B4GALT6: variants seen among roughly 807,000 people sequenced by gnomAD.
The protein encoded by B4GALT6 is beta-1,4-galactosyltransferase 6.
B4GALT6 carries 14 observed loss-of-function variants against 46.3 expected under a neutral mutation model. The ratio of observed to expected loss-of-function variants is 0.30; its 90% CI spans 0.20 to 0.47. The LOEUF (loss-of-function observed/expected upper bound fraction) is 0.47. Among genes scored for constraint, B4GALT6 ranks in the 20% least tolerant of loss-of-function variants. B4GALT6 has a pLI of 0.99. For missense variants in B4GALT6, 386 were observed against 480.1 expected (o/e 0.80, Z 1.83); for synonymous variants, 168 against 162.0 (o/e 1.04, Z -0.28).
chr18:31,723,670 GTGGTGAATTAATTAC>G, the B4GALT6 span, among the ~76,000 whole-genome samples: 7 of 152,164 alleles, frequency 4.6e-5, no homozygotes, highest in African/African-American at 1.7e-4. Flanking sequence ...GCCTAATAGG[GTGGTGAATTAATTAC>G]CAAACATGCA....
chr18:31,665,789 T>C (rs944549629), intron 2 of B4GALT6, among the ~76,000 whole-genome samples: 1 of 152,112 alleles, frequency 6.6e-6, no homozygotes, highest in Non-Finnish European at 1.5e-5. Flanking sequence ...AATTTCCAAT[T>C]TTATAAAATT....
chr18:31,723,033 G>T, the B4GALT6 span, among the ~76,000 whole-genome samples: 1 of 152,196 alleles, frequency 6.6e-6, no homozygotes, highest in Admixed American at 6.5e-5. Context: ...TGTTTTCACT[G>T]CAGGCTGCAG....
At chr18:31,639,583 A>G (rs1394777840) in intron 4 of B4GALT6, among the ~76,000 whole-genome samples, 1 of 152,206 alleles carries the variant, frequency 6.6e-6, no homozygotes, top group East Asian at 1.9e-4. Flanking sequence ...TTTCAGTGGT[A>G]GGATAATATT....
At chr18:31,644,996 G>A (rs1246648963) in intron 4 of B4GALT6, among the ~76,000 whole-genome samples, 1 of 152,190 alleles carries the variant, frequency 6.6e-6, no homozygotes, top group African/African-American at 2.4e-5. Context: ...GCTTGCAGGT[G>A]TCAGTAATCA....
At chr18:31,723,662 C>T in the B4GALT6 span, among the ~76,000 whole-genome samples, 1 of 152,122 alleles carries the variant, frequency 6.6e-6, no homozygotes, top group Non-Finnish European at 1.5e-5. Flanking sequence ...CAGCCCCTGC[C>T]TAATAGGGTG....
intron 6 of B4GALT6, among the ~76,000 whole-genome samples, chr18:31,630,178 G>T (rs146266724): frequency 7.2e-5 from 11 of 152,140 alleles, no homozygotes; most frequent in South Asian, 4.2e-4. Context: ...TTTCCTGCTT[G>T]TGTCAGACTT....
At chr18:31,634,985 G>A (rs553748994) in intron 5 of B4GALT6, among the ~76,000 whole-genome samples, 2 of 152,300 alleles carry the variant, frequency 1.3e-5, no homozygotes, top group South Asian at 4.1e-4. Flanking sequence ...ACTCATGCCT[G>A]TAGTCCCAGC....
At chr18:31,685,031 CG>C (rs1419217770), upstream of B4GALT6, among the ~76,000 whole-genome samples, 1 of 145,992 alleles carries the variant, frequency 6.8e-6, no homozygotes, top group Non-Finnish European at 1.5e-5. Flanking sequence ...CGGGGGCCCG[CG>C]GGGGCCCTCG....
upstream of B4GALT6, among the ~76,000 whole-genome samples, chr18:31,688,920 A>G (rs1336585611): frequency 6.6e-6 from 1 of 152,168 alleles, no homozygotes; most frequent in Non-Finnish European, 1.5e-5. Context: ...TGTTTTCTTC[A>G]TGTATTTTTT....
intron 2 of B4GALT6, chr18:31,658,561 T>A (rs1224561749): frequency 6.5e-6 from 1 of 152,988 alleles, no homozygotes; most frequent in Non-Finnish European, 1.5e-5. Flanking sequence ...AACTTACTTT[T>A]GTAATACAGC....
In B4GALT6 at chr18:31,631,057, G is replaced by A. The variant is rs771234493; in HGVS notation, c.678C>T (p.Phe226=). 1.2e-6 allele frequency: 2 copies of A among 1,614,046 alleles called. No homozygotes were observed. The highest frequency in any genetic ancestry group is 1.7e-5 in the Admixed American group (1 of 60,004). The change falls in exon 6 of 9, where the codon TTC becomes TTT. Residue 226 remains phenylalanine, a synonymous_variant. Transcript: ENST00000306851. ...TTTCAGGTAGATGATCCACATCGTG[G>A]AAGATTACACAGTCCCAGACACTGT... ...MKDSVWDCVI[F]HDVDHLPEND...
chr18:31,629,036 T>C (rs1469248313), intron 6 of B4GALT6, among the ~76,000 whole-genome samples: 1 of 152,208 alleles, frequency 6.6e-6, no homozygotes, highest in Non-Finnish European at 1.5e-5. Flanking sequence ...ATGAAGACCT[T>C]CAGGATGATC....
chr18:31,648,491 T>C (rs935912602), intron 3 of B4GALT6, among the ~76,000 whole-genome samples: 3 of 152,210 alleles, frequency 2.0e-5, no homozygotes, highest in Non-Finnish European at 4.4e-5. Context: ...TCAAGTCAGC[T>C]GGAAGCTACC....
chr18:31,705,769 G>A, the B4GALT6 span, among the ~76,000 whole-genome samples: 1 of 152,310 alleles, frequency 6.6e-6, no homozygotes, highest in Admixed American at 6.5e-5. Context: ...ATGGTAACTT[G>A]TATTAACAGA....
chr18:31,687,410 C>G (rs757817944), upstream of B4GALT6, among the ~76,000 whole-genome samples: 2 of 152,174 alleles, frequency 1.3e-5, no homozygotes, highest in Admixed American at 6.5e-5. Flanking sequence ...AAGTCTGTCT[C>G]TCATAGTCTG....
At chr18:31,719,791 C>T in the B4GALT6 span, among the ~76,000 whole-genome samples, 1 of 152,068 alleles carries the variant, frequency 6.6e-6, no homozygotes. Flanking sequence ...CCGTCCTCTG[C>T]TCCTGGATAG....
chr18:31,679,402 A>T (rs2074452864), intron 1 of B4GALT6, among the ~76,000 whole-genome samples: 1 of 152,348 alleles, frequency 6.6e-6, no homozygotes, highest in Non-Finnish European at 1.5e-5. Flanking sequence ...TGTGGAAACA[A>T]TCTCTAACTC....
intron 6 of B4GALT6, among the ~76,000 whole-genome samples, chr18:31,630,362 G>A (rs960050877): frequency 6.6e-6 from 1 of 151,736 alleles, no homozygotes; most frequent in Non-Finnish European, 1.5e-5. Flanking sequence ...TACTATCTCA[G>A]CTCTGATAAC....
At chr18:31,675,825 A>G (rs926169576) in intron 1 of B4GALT6, among the ~76,000 whole-genome samples, 3 of 152,200 alleles carry the variant, frequency 2.0e-5, no homozygotes, top group Non-Finnish European at 4.4e-5. Flanking sequence ...GTCAGAGTAT[A>G]TAAGTGTACA....
Sources: gnomAD v4.1 joint callset for allele counts (sites outside exome capture counted in the v4.1 genomes callset) on GRCh38, gnomAD v4.1.1 for gene constraint, MANE v1.5 for transcripts, NCBI Gene and HGNC (gene_info 2026-07-23, HGNC 2026-07-21) for gene names.